Variants in C4orf51 observed in about 807,000 individuals in gnomAD.
The protein encoded by C4orf51 is chromosome 4 open reading frame 51.
Under a neutral mutation model 25.2 loss-of-function variants are expected in C4orf51, and 25 were observed. The observed-to-expected ratio is 0.99, with a 90% CI of 0.72 to 1.39. C4orf51 has a LOEUF of 1.39. C4orf51 is among the 40% of genes most tolerant of loss of function. The probability of loss-of-function intolerance (pLI) is 0.00; values close to 1 mark genes in which losing one functional copy is unlikely to be tolerated. For synonymous variants in C4orf51, 100 were observed against 84.5 expected, an observed-to-expected ratio of 1.18 and a Z score of -1.01; for missense variants, 252 against 239.6, an observed-to-expected ratio of 1.05 and a Z score of -0.34.
At position 145,749,703 on chromosome 4, in the gene C4orf51, C is replaced by T. The variant is rs572235389; in HGVS notation, n.168-4504C>T. On this transcript the variant is annotated intron_variant and non_coding_transcript_variant, in intron 1 of 1. Transcript: ENST00000508981. ...AGGCTGGAGTGCAGTGGTGCAATCT[C>T]GCTCACTGCAACCTCCAACTCCCGG... Among the ~76,000 whole-genome samples the T allele has an allele frequency of 2.6e-5, 4 of 151,990 alleles. No individual in the cohort carries two copies. In the South Asian group the frequency reaches 6.3e-4, roughly 24 times the overall value.
At chr4:145,726,604 C>T (rs1258579404) in intron 2 of C4orf51, among the ~76,000 whole-genome samples, 1 of 152,034 alleles carries the variant, frequency 6.6e-6, no homozygotes, top group Non-Finnish European at 1.5e-5. Context: ...CGGGGGTCTC[C>T]CTATGTTGCC....
At chr4:145,789,288 G>C in the C4orf51 span, among the ~76,000 whole-genome samples, 1 of 152,150 alleles carries the variant, frequency 6.6e-6, no homozygotes, top group Non-Finnish European at 1.5e-5. Flanking sequence ...CTGTGGTTAA[G>C]CTGAACATGA....
At chr4:145,783,767 G>C in the C4orf51 span, among the ~76,000 whole-genome samples, 1 of 152,168 alleles carries the variant, frequency 6.6e-6, no homozygotes, top group East Asian at 1.9e-4. Context: ...GTGAATATAA[G>C]GCATGAAGAC....
At chr4:145,690,204 T>G (rs1407652569) in intron 1 of C4orf51, among the ~76,000 whole-genome samples, 1 of 130,724 alleles carries the variant, frequency 7.6e-6, no homozygotes, top group Non-Finnish European at 1.6e-5. Flanking sequence ...CAAACCTCCG[T>G]AAAAAAAATA....
intron 1 of C4orf51, among the ~76,000 whole-genome samples, chr4:145,681,976 G>T (rs1164541817): frequency 6.6e-6 from 1 of 152,068 alleles, no homozygotes; most frequent in Non-Finnish European, 1.5e-5. Context: ...TCTGAAAATA[G>T]TGTTTGAAAG....
the C4orf51 span, among the ~76,000 whole-genome samples, chr4:145,790,120 G>A: frequency 2.6e-5 from 4 of 152,182 alleles, no homozygotes. Context: ...GCATTCAAGT[G>A]CAGAGTTACC....
At chr4:145,696,676 G>T in intron 2 of C4orf51, 44 bp downstream of exon 2, 1 of 1,427,372 alleles carries the variant, frequency 7.0e-7, no homozygotes, top group Non-Finnish European at 9.7e-7. Context: ...CCTTTTGCCA[G>T]GGTTGCTGTG....
chr4:145,773,669 T>A (rs944975510), downstream of C4orf51, among the ~76,000 whole-genome samples: 1 of 152,200 alleles, frequency 6.6e-6, no homozygotes, highest in African/African-American at 2.4e-5. Context: ...CATCAATAAA[T>A]GGAAGAAGTT....
At chr4:145,695,767 ACAAT>A (rs1428129036) in intron 1 of C4orf51, among the ~76,000 whole-genome samples, 1 of 152,248 alleles carries the variant, frequency 6.6e-6, no homozygotes, top group Non-Finnish European at 1.5e-5. Flanking sequence ...AACCTAAATG[ACAAT>A]CAATGACAGG....
chr4:145,760,607 G>A lies in C4orf51; in HGVS notation n.167-10381G>A. 1.1e-5 allele frequency: 3 copies of A among 270,576 alleles called. No homozygotes were observed. In the South Asian group the frequency reaches 2.7e-4, roughly 24 times the overall value. The allele number at this position is 270,576 out of a possible 1,614,324, so 16.8% of individuals were successfully genotyped here. A position where few individuals can be genotyped will look rare whatever the true frequency, so the allele number is the denominator to read the frequency against. On this transcript the variant is annotated intron_variant and non_coding_transcript_variant, in intron 1 of 1. Coordinates refer to the C4orf51 transcript ENST00000510096. ...GGTCAATGCAATAGGTATACACACA[G>A]AGCCAATTTTCTATTCCTTACTAAA...
Position 145,689,043 on chromosome 4 carries a change from T to C in C4orf51, c.234-7516T>C, listed in dbSNP as rs965687340. ...GAATAAAGAGCCAGAAACAGACCCATGCATATACAAGTACTTGATTCATAA... is the reference window on the plus strand; with the variant it reads ...GAATAAAGAGCCAGAAACAGACCCACGCATATACAAGTACTTGATTCATAA... On this transcript the variant is annotated intron_variant, in intron 1 of 5. Transcript: ENST00000438731. 5.3e-5 allele frequency among the ~76,000 whole-genome samples: 8 copies of C among 152,176 alleles called. 1 individual carries two copies. The South Asian group carries it at 1.5e-3, about 28-fold the overall frequency.
intron 1 of C4orf51, 131 bp downstream of exon 1, chr4:145,680,567 G>A (rs1330421364): frequency 1.5e-6 from 1 of 665,176 alleles, no homozygotes; most frequent in African/African-American, 1.8e-5. Flanking sequence ...TTTTGTAAAT[G>A]TCAGCAGGAA....
intron 3 of C4orf51, among the ~76,000 whole-genome samples, chr4:145,727,806 C>T (rs904192443): frequency 1.7e-4 from 25 of 146,940 alleles, no homozygotes; most frequent in Admixed American, 2.1e-4. Flanking sequence ...TGCTTGAAGC[C>T]GGGAGGTGGA....
At chr4:145,726,107 A>C (rs1343298191) in intron 2 of C4orf51, among the ~76,000 whole-genome samples, 1 of 152,212 alleles carries the variant, frequency 6.6e-6, no homozygotes, top group Non-Finnish European at 1.5e-5. Flanking sequence ...AAAGCTCCAG[A>C]AGAATTACTA....
At chr4:145,736,391 A>G (rs1287280247), downstream of C4orf51, among the ~76,000 whole-genome samples, 1 of 151,972 alleles carries the variant, frequency 6.6e-6, no homozygotes, top group Non-Finnish European at 1.5e-5. Flanking sequence ...CAGATCTGTC[A>G]CCATGCACCC....
At chr4:145,729,033 GT>G in intron 3 of C4orf51, 135 bp from the exon 4 acceptor site, 1 of 651,190 alleles carries the variant, frequency 1.5e-6, no homozygotes, top group Non-Finnish European at 2.7e-6. Context: ...TGCACTCACA[GT>G]GGTGGCTTTT....
chr4:145,760,022 A>G (rs1579055524), intron 1 of C4orf51: 1 of 152,356 alleles, frequency 6.6e-6, no homozygotes, highest in Admixed American at 6.5e-5. Flanking sequence ...CAGTGCTGCG[A>G]GATATTTCTT....
At chr4:145,758,485 G>A (rs1401045309), downstream of C4orf51, 1 of 152,158 alleles carries the variant, frequency 6.6e-6, no homozygotes. Context: ...GACTACTTTA[G>A]CCCTCTTTCC....
At chr4:145,705,342 G>A (rs184092656) in intron 2 of C4orf51, among the ~76,000 whole-genome samples, 3 of 152,304 alleles carry the variant, frequency 2.0e-5, no homozygotes, top group Admixed American at 6.5e-5. Flanking sequence ...TAAAGAGACA[G>A]TTAGCAATCA....
Sources: gnomAD v4.1 joint callset for allele counts (sites outside exome capture counted in the v4.1 genomes callset) on GRCh38, gnomAD v4.1.1 for gene constraint, MANE v1.5 for transcripts, NCBI Gene and HGNC (gene_info 2026-07-23, HGNC 2026-07-21) for gene names.